SPIN1: variants seen among roughly 807,000 people sequenced by gnomAD.
SPIN1 encodes the protein spindlin 1, also known as spindlin-1.
In SPIN1, 3 loss-of-function variants were observed where a neutral mutation model predicts 26.0. The observed-to-expected ratio is 0.12, with a 90% CI of 0.05 to 0.30. The LOEUF is 0.30. Ranked by LOEUF, SPIN1 falls within the 10% of genes least tolerant of loss-of-function variation. The probability of loss-of-function intolerance (pLI) is 1.00; values close to 1 mark genes in which losing one functional copy is unlikely to be tolerated. For missense variants in SPIN1, 126 were observed against 333.4 expected, an observed-to-expected ratio of 0.38 and a Z score of 4.84; for synonymous variants, 101 against 116.5, an observed-to-expected ratio of 0.87 and a Z score of 0.86.
intron 3 of SPIN1, among the ~76,000 whole-genome samples, chr9:88,450,419 C>A (rs1262596275): frequency 6.6e-6 from 1 of 152,190 alleles, no homozygotes; most frequent in Non-Finnish European, 1.5e-5. Context: ...ATTTTCTAAT[C>A]ATCTATGATT....
chr9:88,396,337 C>G (rs1463168696), intron 1 of SPIN1, among the ~76,000 whole-genome samples: 1 of 151,928 alleles, frequency 6.6e-6, no homozygotes, highest in Non-Finnish European at 1.5e-5. Flanking sequence ...TGGCTCACAC[C>G]TGTACTGTAC....
chr9:88,453,296 G>A (rs1320722215), intron 3 of SPIN1, among the ~76,000 whole-genome samples: 2 of 152,004 alleles, frequency 1.3e-5, no homozygotes, highest in Non-Finnish European at 2.9e-5. Context: ...TACTTTTTTG[G>A]GAACAGGAAC....
chr9:88,441,560 C>T (rs1236923827), intron 2 of SPIN1, among the ~76,000 whole-genome samples: 1 of 151,738 alleles, frequency 6.6e-6, no homozygotes, highest in African/African-American at 2.4e-5. Context: ...GAGTTCGAGA[C>T]CAGTCTGGGC....
At chr9:88,465,539 A>G (rs1828650757) in intron 4 of SPIN1, among the ~76,000 whole-genome samples, 1 of 152,126 alleles carries the variant, frequency 6.6e-6, no homozygotes, top group Admixed American at 6.5e-5. Context: ...CATTTCTCTG[A>G]TGATTAGTGA....
chr9:88,433,979 C>T (rs6560088), intron 2 of SPIN1, among the ~76,000 whole-genome samples: 49,960 of 151,874 alleles, frequency 0.33, 15,407 homozygotes, highest in African/African-American at 0.82. Context: ...CTCCTTTACG[C>T]TGTGTAAAGT....
intron 1 of SPIN1, among the ~76,000 whole-genome samples, chr9:88,397,141 TTC>T (rs1344131918): frequency 6.6e-6 from 1 of 152,112 alleles, no homozygotes; most frequent in Non-Finnish European, 1.5e-5. Context: ...TATAAAAAGT[TTC>T]TTCAGTAATT....
At chr9:88,462,449 G>A (rs1184277333) in intron 3 of SPIN1, 47 bp from the exon 4 acceptor site, 1 of 1,589,256 alleles carries the variant, frequency 6.3e-7, no homozygotes, top group African/African-American at 1.3e-5. Flanking sequence ...ATCTAGGCAT[G>A]CATACTTTTG....
At chr9:88,462,126 G>A (rs982548842) in intron 3 of SPIN1, among the ~76,000 whole-genome samples, 1 of 151,962 alleles carries the variant, frequency 6.6e-6, no homozygotes, top group African/African-American at 2.4e-5. Context: ...TGTATTTCAC[G>A]GATCAGTCCT....
intron 5 of SPIN1, among the ~76,000 whole-genome samples, chr9:88,471,448 AG>A (rs1309528053): frequency 2.6e-5 from 4 of 151,938 alleles, no homozygotes; most frequent in Non-Finnish European, 4.4e-5. Flanking sequence ...GTGGATCACG[AG>A]GTCAGGAGTT....
intron 2 of SPIN1, among the ~76,000 whole-genome samples, chr9:88,438,269 A>G (rs1306894976): frequency 6.6e-6 from 1 of 152,188 alleles, no homozygotes; most frequent in Non-Finnish European, 1.5e-5. Flanking sequence ...CACTTAGTTC[A>G]AAATATATTT....
In SPIN1 at chr9:88,477,575, T is replaced by G. The variant is rs1353004761; in HGVS notation, c.*2298T>G. ...CTCCCCATTTTCCCCCATTCTGTCT[T>G]TCTTTTGGTGACTTACACCACATGT... On this transcript the variant is annotated 3_prime_UTR_variant, in exon 6 of 6. Transcript: ENST00000375859. 2.6e-5 allele frequency: 4 copies of G among 152,630 alleles called. No individual in the cohort carries two copies. Among genetic ancestry groups the G allele is most frequent in the East Asian group, 1.9e-4 (1 of 5,188 alleles). The allele number at this position is 152,630 out of a possible 1,614,324, so 9.5% of individuals were successfully genotyped here.
intron 2 of SPIN1, among the ~76,000 whole-genome samples, chr9:88,443,675 A>G (rs925339360): frequency 6.6e-6 from 1 of 152,170 alleles, no homozygotes; most frequent in Non-Finnish European, 1.5e-5. Context: ...CTGTGGTAAT[A>G]GGTCTTTAGC....
At chr9:88,456,220 AAAT>A (rs1389764106) in intron 3 of SPIN1, among the ~76,000 whole-genome samples, 1 of 152,202 alleles carries the variant, frequency 6.6e-6, no homozygotes, top group Non-Finnish European at 1.5e-5. Context: ...CACAGATAGA[AAAT>A]AATACTTCAT....
At chr9:88,429,236 G>C (rs116294915) in intron 2 of SPIN1, among the ~76,000 whole-genome samples, 1 of 152,222 alleles carries the variant, frequency 6.6e-6, no homozygotes, top group African/African-American at 2.4e-5. Flanking sequence ...GGAAGGGGAG[G>C]AGTTGCTTCC....
intron 2 of SPIN1, among the ~76,000 whole-genome samples, chr9:88,442,237 A>G (rs1274373154): frequency 6.6e-6 from 1 of 151,724 alleles, no homozygotes; most frequent in Non-Finnish European, 1.5e-5. Flanking sequence ...TTCCCTTTGA[A>G]GTAATTCTGC....
In SPIN1 at chr9:88,475,806, G is replaced by T. The variant is rs1438711524; in HGVS notation, c.*529G>T. On this transcript the variant is annotated 3_prime_UTR_variant, in exon 6 of 6. Transcript: ENST00000375859. Reference sequence around the variant, plus strand: ...AGGATGGGGGTGACATAATTTTCTTGAGTTTAACAGGAGTGCTTTACCCAA... The same window carrying T: ...AGGATGGGGGTGACATAATTTTCTTTAGTTTAACAGGAGTGCTTTACCCAA... The T allele has an allele frequency of 6.6e-6, 1 of 152,084 alleles. No homozygotes were observed. The highest frequency in any genetic ancestry group is 2.4e-5 in the African/African-American group (1 of 41,312). The allele number at this position is 152,084 out of a possible 1,614,324, so 9.4% of individuals were successfully genotyped here. A position where few individuals can be genotyped will look rare whatever the true frequency, so the allele number is the denominator to read the frequency against.
At chr9:88,436,048 A>T (rs137856494) in intron 2 of SPIN1, among the ~76,000 whole-genome samples, 1,600 of 152,212 alleles carry the variant, frequency 0.011, 33 homozygotes, top group African/African-American at 0.036. Flanking sequence ...GTTCAAAATC[A>T]TTTTGCTTCA....
intron 1 of SPIN1, among the ~76,000 whole-genome samples, chr9:88,398,203 C>T (rs1827108298): frequency 6.6e-6 from 1 of 151,914 alleles, no homozygotes; most frequent in Non-Finnish European, 1.5e-5. Context: ...CTGCCTCAGC[C>T]TCCCACCTGT....
chr9:88,414,618 A>G (rs941599212), intron 1 of SPIN1, among the ~76,000 whole-genome samples: 1 of 152,210 alleles, frequency 6.6e-6, no homozygotes, highest in Middle Eastern at 3.2e-3. Context: ...AATCTAGTCA[A>G]GTGTCAGCTG....
Sources: gnomAD v4.1 joint callset for allele counts (sites outside exome capture counted in the v4.1 genomes callset) on GRCh38, gnomAD v4.1.1 for gene constraint, MANE v1.5 for transcripts, NCBI Gene and HGNC (gene_info 2026-07-23, HGNC 2026-07-21) for gene names.